The following NALF1 variants were observed in gnomAD, a reference collection of about 807,000 sequenced individuals.
NALF1 encodes family with sequence similarity 155 member A.
In NALF1, 3 loss-of-function variants were observed where a neutral mutation model predicts 48.4. The observed-to-expected ratio is 0.06, with a 90% CI of 0.03 to 0.16. The LOEUF is 0.16. Among genes scored for constraint, NALF1 ranks in the 10% least tolerant of loss-of-function variants. NALF1 has a pLI of 1.00. For missense variants in NALF1, 526 were observed against 571.5 expected, an observed-to-expected ratio of 0.92 and a Z score of 0.81; for synonymous variants, 262 against 245.7, an observed-to-expected ratio of 1.07 and a Z score of -0.62.
chr13:107,208,677 C>T (rs78217969), intron 2 of NALF1, among the ~76,000 whole-genome samples: 2,625 of 152,132 alleles, frequency 0.017, 74 homozygotes, highest in African/African-American at 0.059. Context: ...TCTCTGAAGT[C>T]CTCATGTCAC....
At chr13:107,192,564 G>A (rs1176176550) in intron 2 of NALF1, among the ~76,000 whole-genome samples, 1 of 152,118 alleles carries the variant, frequency 6.6e-6, no homozygotes, top group Non-Finnish European at 1.5e-5. Flanking sequence ...GAGTAAACAA[G>A]CTAGCTAGCT....
At chr13:107,276,042 T>C (rs77189660) in intron 1 of NALF1, among the ~76,000 whole-genome samples, 4,483 of 152,222 alleles carry the variant, frequency 0.029, 252 homozygotes, top group African/African-American at 0.1. Context: ...CTCCCCAGCA[T>C]GACGGATCCA....
chr13:107,653,636 C>T (rs1432286426), intron 1 of NALF1, among the ~76,000 whole-genome samples: 5 of 151,864 alleles, frequency 3.3e-5, no homozygotes, highest in African/African-American at 4.8e-5. Flanking sequence ...ACTTCTACCA[C>T]GGTGCACAAA....
intron 1 of NALF1, among the ~76,000 whole-genome samples, chr13:107,674,507 T>A (rs9514723): frequency 0.22 from 33,079 of 152,100 alleles, 3,967 homozygotes; most frequent in Middle Eastern, 0.34. Flanking sequence ...TTGACTTCTA[T>A]TGGGAGATTG....
chr13:107,850,899 T>C (rs776281859), intron 1 of NALF1, among the ~76,000 whole-genome samples: 2 of 150,514 alleles, frequency 1.3e-5, no homozygotes, highest in Non-Finnish European at 1.5e-5. Flanking sequence ...CGAGACTCCA[T>C]CTCCAAAAAA....
rs576053926 is a variant in NALF1 at position 107,817,090 on chromosome 13, T to C, written c.915+48592A>G. Among the ~76,000 whole-genome samples the C allele has an allele frequency of 2.0e-5, 3 of 152,054 alleles. No individual in the cohort carries two copies. In the South Asian group the frequency reaches 6.2e-4, roughly 32 times the overall value. ...TGAGGGAAAGAGCAAGAGCAATTTA[T>C]ATGAACTATAAATAACCATATCAAT... On this transcript the variant is annotated intron_variant, in intron 1 of 2. Transcript: ENST00000375915.
At chr13:107,527,352 A>T (rs774747069) in intron 1 of NALF1, among the ~76,000 whole-genome samples, 2 of 152,146 alleles carry the variant, frequency 1.3e-5, no homozygotes, top group Non-Finnish European at 2.9e-5. Flanking sequence ...CTGACAGGCC[A>T]GAAGAAGAAA....
chr13:107,637,757 G>A (rs1314154072), intron 1 of NALF1, among the ~76,000 whole-genome samples: 4 of 152,180 alleles, frequency 2.6e-5, no homozygotes, highest in South Asian at 2.1e-4. Context: ...ATAAAGAGTC[G>A]CATGTGGGAT....
At chr13:107,284,389 CA>C in intron 1 of NALF1, among the ~76,000 whole-genome samples, 1 of 152,070 alleles carries the variant, frequency 6.6e-6, no homozygotes, top group African/African-American at 2.4e-5. Context: ...AGAAACCATC[CA>C]TGAGGAAGAA....
At chr13:107,511,343 A>G (rs1480542493) in intron 1 of NALF1, among the ~76,000 whole-genome samples, 1 of 152,228 alleles carries the variant, frequency 6.6e-6, no homozygotes, top group Non-Finnish European at 1.5e-5. Context: ...AGAAACTCAA[A>G]TATTAGATTT....
chr13:107,470,774 G>A (rs1885087711), intron 1 of NALF1, among the ~76,000 whole-genome samples: 1 of 151,914 alleles, frequency 6.6e-6, no homozygotes, highest in African/African-American at 2.4e-5. Context: ...GTCAGATAAT[G>A]ATTTTATATA....
At chr13:107,835,383 AC>A (rs1367607059) in intron 1 of NALF1, 1 of 152,172 alleles carries the variant, frequency 6.6e-6, no homozygotes, top group Non-Finnish European at 1.5e-5. Flanking sequence ...CAAGGCTCTT[AC>A]AAGACAGCAT....
intron 1 of NALF1, among the ~76,000 whole-genome samples, chr13:107,634,245 C>T (rs1177949448): frequency 2.0e-5 from 3 of 151,962 alleles, no homozygotes; most frequent in Non-Finnish European, 2.9e-5. Flanking sequence ...AGTTTACTCT[C>T]CTCCCCCTTC....
intron 1 of NALF1, among the ~76,000 whole-genome samples, chr13:107,772,735 T>C (rs1482042756): frequency 1.3e-5 from 2 of 152,196 alleles, no homozygotes; most frequent in Non-Finnish European, 2.9e-5. Context: ...GTCACGGCCT[T>C]GACTATTAGC....
intron 1 of NALF1, among the ~76,000 whole-genome samples, chr13:107,274,357 G>A (rs1040093575): frequency 5.3e-5 from 8 of 152,084 alleles, no homozygotes; most frequent in Non-Finnish European, 1.0e-4. Context: ...GATCACTTGA[G>A]GCTAGGAGTT....
At chr13:107,177,814 C>T (rs1355983867) in intron 2 of NALF1, among the ~76,000 whole-genome samples, 1 of 152,168 alleles carries the variant, frequency 6.6e-6, no homozygotes, top group Non-Finnish European at 1.5e-5. Context: ...CTTTGGGAGT[C>T]CAAGGCAGAT....
At chr13:107,262,406 C>T (rs1485262835) in intron 1 of NALF1, among the ~76,000 whole-genome samples, 3 of 152,112 alleles carry the variant, frequency 2.0e-5, no homozygotes, top group African/African-American at 7.2e-5. Context: ...CAGAGCAAAA[C>T]TCTGTCTCAA....
intron 1 of NALF1, among the ~76,000 whole-genome samples, chr13:107,506,430 C>T (rs1875697562): frequency 6.6e-6 from 1 of 151,828 alleles, no homozygotes; most frequent in East Asian, 1.9e-4. Flanking sequence ...TAATACAGTT[C>T]ACCTGTTTAA....
chr13:107,661,547 A>C (rs531956866), intron 1 of NALF1, among the ~76,000 whole-genome samples: 13 of 151,866 alleles, frequency 8.6e-5, no homozygotes, highest in Admixed American at 2.6e-4. Context: ...GAAAGGCCTA[A>C]CAGAGAAGCT....
Sources: allele counts gnomAD v4.1 joint callset (sites outside exome capture counted in the v4.1 genomes callset), GRCh38; gene constraint gnomAD v4.1.1; transcripts MANE v1.5; gene names NCBI Gene and HGNC (gene_info 2026-07-23, HGNC 2026-07-21).